The following NBPF12 variants were observed in gnomAD, a reference collection of about 807,000 sequenced individuals.
NBPF12 encodes the protein NBPF family member NBPF12.
A neutral mutation model predicts 146.4 loss-of-function variants in NBPF12; 115 were observed. The ratio of observed to expected loss-of-function variants is 0.79; its 90% CI spans 0.68 to 0.92. The LOEUF is 0.92. NBPF12 is among the 40% of genes least tolerant of loss of function. The probability of loss-of-function intolerance (pLI) is 0.00; values close to 1 mark genes in which losing one functional copy is unlikely to be tolerated. For synonymous variants in NBPF12, 385 were observed against 508.9 expected (o/e 0.76, Z 3.28); for missense variants, 1,205 against 1,326.8 (o/e 0.91, Z 1.43).
upstream of NBPF12, among the ~76,000 whole-genome samples, chr1:146,938,507 G>C (rs1654633857): frequency 6.6e-6 from 1 of 152,146 alleles, no homozygotes; most frequent in African/African-American, 2.4e-5. Flanking sequence ...GCGGAGGGGA[G>C]AGAGGGATTT....
At chr1:146,978,262 T>G (rs1342201668) in intron 18 of NBPF12, among the ~76,000 whole-genome samples, 2 of 94,370 alleles carry the variant, frequency 2.1e-5, no homozygotes, top group Non-Finnish European at 4.3e-5. Flanking sequence ...CGTCGTAGAT[T>G]TTTTTTTTTT....
chr1:146,976,540 G>T (rs1553887361), intron 16 of NBPF12, among the ~76,000 whole-genome samples: 4 of 125,030 alleles, frequency 3.2e-5, no homozygotes, highest in Non-Finnish European at 4.9e-5. Flanking sequence ...AGAGGACTGT[G>T]GGACAAGTTT....
exon 11 of NBPF12, chr1:146,969,402 A>T: frequency 8.0e-7 from 1 of 1,243,482 alleles, no homozygotes; most frequent in Non-Finnish European, 1.2e-6. Flanking sequence ...GTCCTGGTTC[A>T]CTCTCAGGAA....
At chr1:146,961,530 A>T (rs1435154456) in intron 4 of NBPF12, among the ~76,000 whole-genome samples, 3 of 152,164 alleles carry the variant, frequency 2.0e-5, no homozygotes, top group African/African-American at 7.2e-5. Context: ...ACACAAACTA[A>T]TCTTATACTG....
At position 146,971,410 on chromosome 1, in the gene NBPF12, C is replaced by T. The variant is rs1553886438; in HGVS notation, c.1591+16C>T. The T allele has an allele frequency of 1.9e-6, 3 of 1,600,546 alleles. No individual in the cohort carries two copies. In the East Asian group the frequency reaches 6.7e-5, roughly 36 times the overall value. The stretch of plus-strand genomic sequence containing the variant: ...ATTCTCCCAGGTAGCCTCTATTTTC[C>T]TTGTGTCTCATACCTCTGTCTAGGC... On this transcript the variant is annotated intron_variant, in intron 13 of 33. Coordinates refer to ENST00000617844, the Ensembl canonical transcript of NBPF12.
At chr1:146,942,135 G>T (rs1456733476) in intron 1 of NBPF12, among the ~76,000 whole-genome samples, 3 of 151,058 alleles carry the variant, frequency 2.0e-5, no homozygotes, top group African/African-American at 7.4e-5. Flanking sequence ...TGGGATTACG[G>T]CATGCACCAC....
chr1:146,965,471 A>G (rs1168940754), intron 8 of NBPF12, among the ~76,000 whole-genome samples: 2 of 148,572 alleles, frequency 1.3e-5, no homozygotes, highest in Admixed American at 1.4e-4. Flanking sequence ...TCTCTTTTTC[A>G]TTGGCTTGTC....
chr1:146,942,366 A>G (rs1654845737), intron 1 of NBPF12, among the ~76,000 whole-genome samples: 1 of 151,176 alleles, frequency 6.6e-6, no homozygotes, highest in Non-Finnish European at 1.5e-5. Context: ...ATTTGTAAAT[A>G]TAGTATTCAT....
intron 10 of NBPF12, among the ~76,000 whole-genome samples, chr1:146,969,072 C>G (rs1420533744): frequency 6.6e-6 from 1 of 151,340 alleles, no homozygotes; most frequent in African/African-American, 2.4e-5. Context: ...ATGGAAATGT[C>G]CATGGCCAGA....
intron 19 of NBPF12, among the ~76,000 whole-genome samples, chr1:146,982,629 C>T (rs1429623954): frequency 6.6e-6 from 1 of 151,404 alleles, no homozygotes; most frequent in African/African-American, 2.4e-5. Flanking sequence ...AGTTGAAGCC[C>T]TGTGTCAGTT....
intron 9 of NBPF12, 65 bp from the exon 13 acceptor site, chr1:146,968,383 G>GT (rs1656341123): frequency 7.8e-7 from 1 of 1,289,870 alleles, no homozygotes; most frequent in Non-Finnish European, 1.1e-6. Context: ...CTCCTGCCCT[G>GT]TAGGCAATGA....
intron 9 of NBPF12, among the ~76,000 whole-genome samples, chr1:146,967,461 A>T (rs1302033918): frequency 6.8e-6 from 1 of 146,360 alleles, no homozygotes. Context: ...AGATTTTGCC[A>T]TTGCACTCCA....
chr1:146,994,366 G>T lies in NBPF12; in HGVS notation c.4165G>T (p.Glu1389Ter), dbSNP rs1658398898. 3.1e-6 allele frequency: 5 copies of T among 1,612,198 alleles called. No individual in the cohort carries two copies. Among genetic ancestry groups the T allele is most frequent in the Non-Finnish European group, 4.2e-6 (5 of 1,179,820 alleles). The change falls in exon 34 of 34, where the codon GAA becomes TAA. Residue 1389 changes from glutamate (E) to a stop codon, truncating the protein, a stop_gained. Coordinates refer to ENST00000617844, the Ensembl canonical transcript of NBPF12. LOFTEE classifies it high-confidence loss of function. ...CGTGCTGATGGAAGTGGAAGAGCCT[G>T]AAGTCTTGCAGGACTCACTGGATAG...
At chr1:146,976,582 CA>C (rs1337728140) in intron 16 of NBPF12, among the ~76,000 whole-genome samples, 1 of 146,824 alleles carries the variant, frequency 6.8e-6, no homozygotes, top group Non-Finnish European at 1.5e-5. Context: ...GTTTGAAATG[CA>C]AACTGTGACA....
chr1:146,960,133 C>G, exon 4 of NBPF12: 1 of 590,634 alleles, frequency 1.7e-6, no homozygotes, highest in Non-Finnish European at 2.9e-6. Context: ...TCTTCTGCCA[C>G]AAACGTCAGC....
chr1:146,955,031 T>C (rs1655522853), intron 2 of NBPF12, among the ~76,000 whole-genome samples: 1 of 109,764 alleles, frequency 9.1e-6, no homozygotes, highest in Non-Finnish European at 1.8e-5. Context: ...CACACACATA[T>C]ATATATTGCA....
chr1:146,988,125 A>T, exon 26 of NBPF12: 1 of 581,246 alleles, frequency 1.7e-6, no homozygotes, highest in Non-Finnish European at 2.9e-6. Context: ...TTGACGTGGG[A>T]GGTGAGTACG....
chr1:146,960,304 G>A (rs1264504261), exon 4 of NBPF12: 93 of 1,376,604 alleles, frequency 6.8e-5, no homozygotes, highest in African/African-American at 4.9e-4. Flanking sequence ...CTGGCCAACC[G>A]ACAGAAGAAA....
chr1:146,938,538 G>C (rs1284079366), upstream of NBPF12, among the ~76,000 whole-genome samples: 1 of 152,144 alleles, frequency 6.6e-6, no homozygotes, highest in Non-Finnish European at 1.5e-5. Flanking sequence ...GCTGCGCTCC[G>C]TCCTCCATTA....
Sources: gnomAD v4.1 joint callset for allele counts (sites outside exome capture counted in the v4.1 genomes callset) on GRCh38, gnomAD v4.1.1 for gene constraint, MANE v1.5 for transcripts, NCBI Gene and HGNC (gene_info 2026-07-23, HGNC 2026-07-21) for gene names.